Variants in ABL2 observed in about 807,000 individuals in gnomAD.
ABL2 encodes ABL proto-oncogene 2, non-receptor tyrosine kinase, also known as tyrosine-protein kinase ABL2.
In ABL2, 49 loss-of-function variants were observed where a neutral mutation model predicts 107.7. That is an observed-to-expected ratio of 0.45 (90% confidence interval 0.36 to 0.58). The LOEUF is 0.58. Among genes scored for constraint, ABL2 ranks in the 20% least tolerant of loss-of-function variants. ABL2 has a pLI of 0.00. For synonymous variants in ABL2, 549 were observed against 548.6 expected, an observed-to-expected ratio of 1.00 and a Z score of -0.01; for missense variants, 1,245 against 1,457.0, an observed-to-expected ratio of 0.85 and a Z score of 2.37.
rs1446609968 is a variant in ABL2, at chr1:179,110,398, G to A, written c.1709C>T (p.Pro570Leu). 4.3e-6 allele frequency: 7 copies of A among 1,613,994 alleles called. No individual in the cohort carries two copies. The East Asian group carries it at 6.7e-5, about 15-fold the overall frequency. The stretch of plus-strand genomic sequence containing the variant: ...CTTGGAAGGAAGTATAGGTAGCCGG[G>A]GCAGGTATGGAACAACAGATGACGA... ...ASSSSVVPYL[P>L]RLPILPSKTR... The change falls in exon 11 of 12, where the codon CCC becomes CTC. Residue 570 changes from proline (P) to leucine (L), a missense_variant. This residue lies in a region of ABL2 where 761 missense variants were observed against 766.4 expected (regional missense o/e 0.99). Coordinates refer to ENST00000502732, the MANE Select transcript of ABL2 (RefSeq NM_007314.4).
At chr1:179,135,175 C>G (rs1273802936) in intron 1 of ABL2, among the ~76,000 whole-genome samples, 1 of 152,180 alleles carries the variant, frequency 6.6e-6, no homozygotes, top group African/African-American at 2.4e-5. Flanking sequence ...TGAGGAGCAT[C>G]TCCGCCTGGC....
chr1:179,120,536 T>C (rs1474363134), intron 5 of ABL2, among the ~76,000 whole-genome samples: 3 of 152,160 alleles, frequency 2.0e-5, no homozygotes, highest in East Asian at 1.9e-4. Flanking sequence ...GCGATTCTCC[T>C]GGCTCAGCCT....
chr1:179,109,066 C>T lies in ABL2; in HGVS notation c.2201G>A (p.Gly734Glu), dbSNP rs1417650612. 6.2e-7 allele frequency: 1 copy of T among 1,608,452 alleles called. No homozygotes were observed. The highest frequency in any genetic ancestry group is 8.5e-7 in the Non-Finnish European group (1 of 1,178,496). The part of the protein sequence containing the change: ...QRNLCNDDGG[G>E]GGGSGTAGGG... ...CCCAGCAGTGCCACTGCCCCCACCCCCACCACCGTCGTCATTACAGAGGTT... is the reference window on the plus strand; with the variant it reads ...CCCAGCAGTGCCACTGCCCCCACCCTCACCACCGTCGTCATTACAGAGGTT... The change falls in exon 12 of 12, where the codon GGG becomes GAG. Residue 734 changes from glycine (G) to glutamate (E), a missense_variant. Gly to Glu is a moderately conservative substitution (Grantham distance 98). Around this residue, in one of 3 missense-constraint regions of ABL2, gnomAD observed 761 missense variants for 766.4 expected, o/e 0.99. Coordinates refer to ENST00000502732, the MANE Select transcript of ABL2 (RefSeq NM_007314.4).
intron 1 of ABL2, among the ~76,000 whole-genome samples, chr1:179,179,035 G>A (rs1660216333): frequency 6.6e-6 from 1 of 152,138 alleles, no homozygotes; most frequent in African/African-American, 2.4e-5. Flanking sequence ...TAAAAGAAAA[G>A]GAGCATTGAT....
At chr1:179,184,433 G>C in intron 1 of ABL2, 1 of 1,004,924 alleles carries the variant, frequency 1.0e-6, no homozygotes, top group Non-Finnish European at 1.5e-6. Flanking sequence ...AGGCACCAGA[G>C]AGCTTCTTTA....
At chr1:179,124,245 GAA>G (rs1300133800) in intron 4 of ABL2, among the ~76,000 whole-genome samples, 4 of 127,080 alleles carry the variant, frequency 3.1e-5, no homozygotes, top group African/African-American at 1.1e-4. Context: ...CATCTCAAAA[GAA>G]AAAAAAAAAA....
At chr1:179,153,602 C>G (rs935875429) in intron 1 of ABL2, among the ~76,000 whole-genome samples, 2 of 152,152 alleles carry the variant, frequency 1.3e-5, no homozygotes, top group South Asian at 4.1e-4. Flanking sequence ...CTCTGTTACA[C>G]GTGATGGCAT....
At chr1:179,145,895 ATT>A (rs11379606) in intron 1 of ABL2, among the ~76,000 whole-genome samples, 1,914 of 142,270 alleles carry the variant, frequency 0.013, 17 homozygotes, top group Non-Finnish European at 0.019. Context: ...TCTGATCTCC[ATT>A]TTTTTTTTTT....
Position 179,210,515 on chromosome 1 carries a change from A to AAAAG in ABL2, c.157+18722_157+18725dup, listed in dbSNP as rs928122638. Among the ~76,000 whole-genome samples the AAAAG allele has an allele frequency of 8.7e-5, 13 of 149,464 alleles. No homozygotes were observed. The South Asian group carries it at 1.0e-3, about 12-fold the overall frequency. On this transcript the variant is annotated intron_variant, in intron 1 of 11. Transcript: ENST00000502732. The stretch of plus-strand genomic sequence containing the variant: ...AGACTCTAACTCACAAAAAAAAAAA[A>AAAAG]AAAGAAAAAAAAAAGCTTTAAGAGA...
Position 179,108,691 on chromosome 1 carries a change from G to A in ABL2, c.2576C>T (p.Ala859Val), listed in dbSNP as rs753521839. 6.2e-7 allele frequency: 1 copy of A among 1,614,064 alleles called. No homozygotes were observed. The highest frequency in any genetic ancestry group is 8.5e-7 in the Non-Finnish European group (1 of 1,180,014). The change falls in exon 12 of 12, where the codon GCT becomes GTT. Residue 859 changes from alanine (A) to valine (V), a missense_variant. Coordinates refer to ENST00000502732, the MANE Select transcript of ABL2 (RefSeq NM_007314.4). ...CCCAGAGGGTGTTCTGAGAGGAAGA[G>A]CTGTGGCTCCTCTGGGCAATAACTT... ...KAKLLPRGAT[A>V]LPLRTPSGDL...
At chr1:179,156,247 T>C (rs1399054523) in intron 1 of ABL2, among the ~76,000 whole-genome samples, 1 of 152,246 alleles carries the variant, frequency 6.6e-6, no homozygotes, top group Non-Finnish European at 1.5e-5. Flanking sequence ...TATTTCCTAC[T>C]GGCTGAACTC....
intron 3 of ABL2, among the ~76,000 whole-genome samples, chr1:179,129,347 G>C (rs764096444): frequency 6.6e-6 from 1 of 152,142 alleles, no homozygotes; most frequent in African/African-American, 2.4e-5. Context: ...AATCAATAAA[G>C]GTAAAATCAA....
At chr1:179,205,281 T>C (rs1661901570) in intron 1 of ABL2, among the ~76,000 whole-genome samples, 1 of 152,086 alleles carries the variant, frequency 6.6e-6, no homozygotes, top group Non-Finnish European at 1.5e-5. Context: ...CACCTCAACC[T>C]CCCAAAGTGC....
At chr1:179,180,236 T>C (rs1660292776) in intron 1 of ABL2, among the ~76,000 whole-genome samples, 1 of 152,164 alleles carries the variant, frequency 6.6e-6, no homozygotes, top group South Asian at 2.1e-4. Flanking sequence ...CAGGAGCATG[T>C]ATGAGATTGG....
intron 1 of ABL2, among the ~76,000 whole-genome samples, chr1:179,164,624 GTTCAGAGCTGACAT>G (rs1659274250): frequency 6.6e-6 from 1 of 152,160 alleles, no homozygotes; most frequent in African/African-American, 2.4e-5. Flanking sequence ...ATGACCTCAA[GTTCAGAGCTGACAT>G]TCCTGAGGAG....
chr1:179,135,032 C>G (rs1292072536), intron 1 of ABL2, among the ~76,000 whole-genome samples: 3 of 152,262 alleles, frequency 2.0e-5, no homozygotes, highest in Non-Finnish European at 4.4e-5. Context: ...TCACTCAGTG[C>G]TCAATGGTGC....
chr1:179,175,830 C>T lies in ABL2; in HGVS notation c.158-42456G>A, dbSNP rs1347844266. Among the ~76,000 whole-genome samples the T allele has an allele frequency of 2.0e-5, 3 of 146,908 alleles. No individual in the cohort carries two copies. In the Admixed American group the frequency reaches 2.1e-4, roughly 10 times the overall value. On this transcript the variant is annotated intron_variant, in intron 1 of 11. Coordinates refer to ENST00000502732, the MANE Select transcript of ABL2 (RefSeq NM_007314.4). ...GAAGACTGCATGCTAGACTGCTAGA[C>T]AAGTAGACACATTCTTCTTTTTTTT...
At chr1:179,156,063 T>C (rs1416516357) in intron 1 of ABL2, among the ~76,000 whole-genome samples, 1 of 152,218 alleles carries the variant, frequency 6.6e-6, no homozygotes, top group African/African-American at 2.4e-5. Context: ...CTGTAGATAA[T>C]GTACTAACAT....
intron 6 of ABL2, among the ~76,000 whole-genome samples, chr1:179,119,419 G>C (rs1396627490): frequency 6.6e-6 from 1 of 151,880 alleles, no homozygotes; most frequent in East Asian, 1.9e-4. Flanking sequence ...GTTGAGGCAC[G>C]AGAATAGCTT....
Sources: gnomAD v4.1 joint callset for allele counts (sites outside exome capture counted in the v4.1 genomes callset) on GRCh38, gnomAD v4.1.1 for gene constraint, gnomAD v4.1.1 regional missense constraint, MANE v1.5 for transcripts, NCBI Gene and HGNC (gene_info 2026-07-23, HGNC 2026-07-21) for gene names.